PRPSAP1: variants seen among roughly 807,000 people sequenced by gnomAD.
The protein encoded by PRPSAP1 is phosphoribosyl pyrophosphate synthase-associated protein 1.
A neutral mutation model predicts 39.4 loss-of-function variants in PRPSAP1; 31 were observed. That is an observed-to-expected ratio of 0.79 (90% CI 0.59 to 1.06). The LOEUF (loss-of-function observed/expected upper bound fraction) is 1.06. Among genes scored for constraint, PRPSAP1 ranks in the 50% least tolerant of loss-of-function variants. The pLI is 0.00. For synonymous variants in PRPSAP1, 212 were observed against 192.6 expected, an observed-to-expected ratio of 1.10 and a Z score of -0.83; for missense variants, 430 against 511.6, an observed-to-expected ratio of 0.84 and a Z score of 1.54.
chr17:76,347,484 CAAAAAAAAA>C (rs71161289), intron 2 of PRPSAP1, among the ~76,000 whole-genome samples: 510 of 25,226 alleles, frequency 0.02, 8 homozygotes, highest in African/African-American at 0.039. Context: ...AAGACTCCGT[CAAAAAAAAA>C]AAAAAAAAAA....
chr17:76,331,597 CTTGAGTATCT>C (rs1277360142), intron 4 of PRPSAP1, among the ~76,000 whole-genome samples: 1 of 152,092 alleles, frequency 6.6e-6, no homozygotes, highest in African/African-American at 2.4e-5. Context: ...ATATGGAAGA[CTTGAGTATCT>C]TTGGGTTTTT....
chr17:76,328,779 T>A lies in PRPSAP1; in HGVS notation c.719A>T (p.Asp240Val). 3 of 1,614,076 alleles carry A rather than the reference T, an allele frequency of 1.9e-6. No homozygotes were observed. The highest frequency in any genetic ancestry group is 2.5e-6 in the Non-Finnish European group (3 of 1,180,012). The change falls in exon 7 of 10, where the codon GAT becomes GTT. Residue 240 changes from aspartate (D) to valine (V), a missense_variant. Transcript: ENST00000446526. The part of the protein sequence containing the change: ...EAQCTELDMD[D>V]GRHSPPMVKN... ...GACCATAGGCGGGGAGTGACGACCA[T>A]CGTCCATGTCCAGTTCCGTGCACTG...
chr17:76,325,281 T>C (rs1451251785), intron 7 of PRPSAP1, among the ~76,000 whole-genome samples: 6 of 145,382 alleles, frequency 4.1e-5, no homozygotes, highest in Non-Finnish European at 7.5e-5. Context: ...TGGTAGCGGG[T>C]GCCTGTAGTC....
intron 9 of PRPSAP1, among the ~76,000 whole-genome samples, chr17:76,312,127 G>A (rs60679605): frequency 0.089 from 13,564 of 152,134 alleles, 1,237 homozygotes; most frequent in African/African-American, 0.23. Context: ...ATCATTATAA[G>A]TTGAAAATAT....
chr17:76,346,517 T>C (rs191990094), intron 2 of PRPSAP1, among the ~76,000 whole-genome samples: 194 of 152,296 alleles, frequency 1.3e-3, no homozygotes, highest in Non-Finnish European at 2.4e-3. Flanking sequence ...CATAATTGAT[T>C]ACCAGTGTGG....
At chr17:76,326,259 T>A (rs1194281840) in intron 7 of PRPSAP1, among the ~76,000 whole-genome samples, 1 of 152,124 alleles carries the variant, frequency 6.6e-6, no homozygotes, top group African/African-American at 2.4e-5. Context: ...ATGATAGAGT[T>A]AGAAAAATGA....
At chr17:76,336,164 G>C (rs2071375684) in intron 3 of PRPSAP1, among the ~76,000 whole-genome samples, 1 of 152,162 alleles carries the variant, frequency 6.6e-6, no homozygotes, top group African/African-American at 2.4e-5. Context: ...AGCAATTTCT[G>C]GGCCGGACGC....
chr17:76,339,260 C>G (rs2071410679), intron 3 of PRPSAP1, among the ~76,000 whole-genome samples: 1 of 151,306 alleles, frequency 6.6e-6, no homozygotes, highest in African/African-American at 2.5e-5. Flanking sequence ...CAAAAATCAG[C>G]TGGCTGTGGT....
At chr17:76,321,686 G>C (rs1280280338) in intron 7 of PRPSAP1, among the ~76,000 whole-genome samples, 1 of 152,152 alleles carries the variant, frequency 6.6e-6, no homozygotes, top group African/African-American at 2.4e-5. Context: ...GTGTTTAAGT[G>C]AAAGGAAGAG....
intron 3 of PRPSAP1, among the ~76,000 whole-genome samples, chr17:76,341,043 CCT>C (rs1404202934): frequency 5.9e-5 from 9 of 151,950 alleles, no homozygotes; most frequent in East Asian, 1.9e-4. Flanking sequence ...TAGCTCCTCC[CCT>C]GACTCATAGA....
At chr17:76,330,736 G>T in intron 4 of PRPSAP1, 70 bp from the exon 5 acceptor site, 1 of 902,888 alleles carries the variant, frequency 1.1e-6, no homozygotes. Flanking sequence ...ACCTAAACTA[G>T]ATGCTCAACT....
At chr17:76,318,714 T>C (rs183512387) in intron 7 of PRPSAP1, among the ~76,000 whole-genome samples, 21 of 152,282 alleles carry the variant, frequency 1.4e-4, no homozygotes, top group Admixed American at 7.8e-4. Context: ...CAGAAAGCAA[T>C]GTGATGATAA....
rs899450164 is a variant in PRPSAP1, at chr17:76,323,643, G to A, written c.781+5074C>T. ...GAACTGGAACCTGAAGCTGTGACTG[G>A]GCTGCTTCAATCTTATGATAAAACT... is the stretch of plus-strand genomic sequence containing the variant. On this transcript the variant is annotated intron_variant, in intron 7 of 9. Coordinates refer to ENST00000446526, the MANE Select transcript of PRPSAP1 (RefSeq NM_002766.3). 2.6e-5 allele frequency among the ~76,000 whole-genome samples: 4 copies of A among 152,032 alleles called. No individual in the cohort carries two copies. The South Asian group carries it at 8.3e-4, about 31-fold the overall frequency.
In PRPSAP1 at chr17:76,341,234, GT is replaced by G. The variant is rs5822126; in HGVS notation, c.290+3436del. Reference sequence around the variant, plus strand: ...AGTGTTAACAATTTGACTTTTTTTTGTTTTTTTTTTTTTTTTTTTTTGAGAT... The same window carrying G: ...AGTGTTAACAATTTGACTTTTTTTTGTTTTTTTTTTTTTTTTTTTTGAGAT... On this transcript the variant is annotated intron_variant, in intron 3 of 9. Coordinates refer to ENST00000446526, the MANE Select transcript of PRPSAP1 (RefSeq NM_002766.3). Among the ~76,000 whole-genome samples, 298 of 119,984 alleles carry G rather than the reference GT, an allele frequency of 2.5e-3. 1 individual carries two copies. The highest frequency in any genetic ancestry group is 0.012 in the East Asian group (46 of 3,954). The allele number at this position is 119,984 out of a possible 152,430, so 78.7% of individuals were successfully genotyped here. A position where few individuals can be genotyped will look rare whatever the true frequency, so the allele number is the denominator to read the frequency against.
intron 1 of PRPSAP1, among the ~76,000 whole-genome samples, chr17:76,351,448 T>G (rs2071570422): frequency 7.9e-5 from 12 of 151,572 alleles, no homozygotes; most frequent in Admixed American, 7.9e-4. Context: ...CCTGGGGGCG[T>G]AGCCTGCAGT....
intron 3 of PRPSAP1, among the ~76,000 whole-genome samples, chr17:76,336,982 C>G (rs962301259): frequency 6.6e-6 from 1 of 152,184 alleles, no homozygotes; most frequent in Non-Finnish European, 1.5e-5. Flanking sequence ...GGCTGGCAGT[C>G]TCTGCTTTAT....
chr17:76,330,391 GATCGTCC>G (rs1190623378), intron 5 of PRPSAP1, 153 bp downstream of exon 5: 1 of 630,460 alleles, frequency 1.6e-6, no homozygotes, highest in African/African-American at 1.8e-5. Context: ...TTAAAGCTAT[GATCGTCC>G]ACGACTAAAG....
At chr17:76,338,062 T>A (rs1417460995) in intron 3 of PRPSAP1, among the ~76,000 whole-genome samples, 4 of 152,196 alleles carry the variant, frequency 2.6e-5, no homozygotes, top group African/African-American at 9.6e-5. Flanking sequence ...ATCGCACAGT[T>A]CAATTACCCA....
In PRPSAP1 at chr17:76,330,649, T is replaced by G; in HGVS notation, c.481A>C (p.Thr161Pro). The G allele has an allele frequency of 6.2e-7, 1 of 1,610,386 alleles. No homozygotes were observed. Residue 161 changes from threonine (T) to proline (P), a missense_variant, in exon 5 of 10, where the codon ACT becomes CCT. By Grantham distance (38) the Thr-to-Pro change is conservative. Around this residue, in one of 2 missense-constraint regions of PRPSAP1, gnomAD observed 278 missense variants for 376.3 expected, o/e 0.74. Coordinates refer to ENST00000446526, the MANE Select transcript of PRPSAP1 (RefSeq NM_002766.3). The stretch of plus-strand genomic sequence containing the variant: ...ATTTCCTTTTGATGAAGATCCATAG[T>G]GATAATGTGAGTTAAACCTGAAATT... ...LAKAGLTHII[T>P]MDLHQKEIQG... is the part of the protein sequence containing the mutation.
Sources: allele counts gnomAD v4.1 joint callset (sites outside exome capture counted in the v4.1 genomes callset), GRCh38; gene constraint gnomAD v4.1.1; regional missense constraint gnomAD v4.1.1; transcripts MANE v1.5; gene names NCBI Gene and HGNC (gene_info 2026-07-23, HGNC 2026-07-21).